The following TSPAN5 variants were observed in gnomAD, a reference collection of about 807,000 sequenced individuals.
TSPAN5 encodes the protein tetraspanin 5.
Under a neutral mutation model 37.1 loss-of-function variants are expected in TSPAN5, and 10 were observed. The observed-to-expected ratio is 0.27, with a 90% CI of 0.17 to 0.46. The LOEUF is 0.46. TSPAN5 is among the 20% of genes least tolerant of loss of function. The pLI is 1.00. For missense variants in TSPAN5, 195 were observed against 326.6 expected, an observed-to-expected ratio of 0.60 and a Z score of 3.11; for synonymous variants, 110 against 118.9, an observed-to-expected ratio of 0.93 and a Z score of 0.48.
chr4:98,472,745 T>C (rs1487140039), intron 7 of TSPAN5, among the ~76,000 whole-genome samples, 158 bp from the exon 8 acceptor site: 2 of 152,200 alleles, frequency 1.3e-5, no homozygotes, highest in Non-Finnish European at 2.9e-5. Context: ...CAGGGGCTTT[T>C]AGTATATTCA....
intron 1 of TSPAN5, among the ~76,000 whole-genome samples, chr4:98,584,115 T>C (rs72904120): frequency 1.4e-3 from 206 of 152,256 alleles, no homozygotes; most frequent in African/African-American, 4.7e-3. Flanking sequence ...TTCCAAATTA[T>C]TTTTTCAAAG....
intron 2 of TSPAN5, among the ~76,000 whole-genome samples, chr4:98,501,218 GTAT>G (rs1753340048): frequency 6.6e-6 from 1 of 151,898 alleles, no homozygotes. Context: ...TTCTAACCCC[GTAT>G]TATTCTCAAA....
intron 1 of TSPAN5, among the ~76,000 whole-genome samples, chr4:98,631,448 C>T (rs566826453): frequency 6.6e-6 from 1 of 152,248 alleles, no homozygotes; most frequent in South Asian, 2.1e-4. Flanking sequence ...ACAAACACAC[C>T]CACACACAGG....
At chr4:98,553,888 G>A (rs1469760427) in intron 1 of TSPAN5, among the ~76,000 whole-genome samples, 2 of 151,988 alleles carry the variant, frequency 1.3e-5, no homozygotes, top group Non-Finnish European at 2.9e-5. Flanking sequence ...CCCACATGAC[G>A]AAACCCTGTC....
chr4:98,566,784 G>C (rs1306246300), intron 1 of TSPAN5, among the ~76,000 whole-genome samples: 1 of 152,192 alleles, frequency 6.6e-6, no homozygotes, highest in Admixed American at 6.5e-5. Flanking sequence ...AAAACATGAC[G>C]CAAGACCCAT....
chr4:98,484,749 G>A lies in TSPAN5; in HGVS notation c.279+1989C>T, dbSNP rs149080905. The A allele has an allele frequency of 2.0e-3, 715 of 353,784 alleles. 5 individuals carry two copies. Among genetic ancestry groups the A allele is most frequent in the African/African-American group, 0.014 (647 of 46,750 alleles). The allele number at this position is 353,784 out of a possible 1,614,324, so 21.9% of individuals were successfully genotyped here. A position where few individuals can be genotyped will look rare whatever the true frequency, so the allele number is the denominator to read the frequency against. On this transcript the variant is annotated intron_variant, in intron 3 of 7. Transcript: ENST00000305798. ...GGCTGAGCAAGGTGGATCACTTGAG[G>A]TCCGGAGTTCAAGACCAGCCTGGCC...
At chr4:98,633,775 T>G (rs1273787850) in intron 1 of TSPAN5, among the ~76,000 whole-genome samples, 1 of 152,090 alleles carries the variant, frequency 6.6e-6, no homozygotes, top group Non-Finnish European at 1.5e-5. Context: ...AGAATTCTCA[T>G]GTACTTAAAA....
rs182530513 is a variant in TSPAN5, at chr4:98,557,815, G to C, written c.82-50087C>G. On this transcript the variant is annotated intron_variant, in intron 1 of 7. Transcript: ENST00000305798. ...ACAACAAAAATGGCACTTAACCTCT[G>C]TGGGTCTTCCCCTAGTCTAATCATG... Among the ~76,000 whole-genome samples, 65 of 152,354 alleles carry C rather than the reference G, an allele frequency of 4.3e-4. 1 individual carries two copies. The East Asian group carries it at 0.012, about 27-fold the overall frequency.
chr4:98,557,724 G>A (rs531161062), intron 1 of TSPAN5, among the ~76,000 whole-genome samples: 8 of 152,294 alleles, frequency 5.3e-5, no homozygotes, highest in East Asian at 1.9e-4. Context: ...CATCGGCCAC[G>A]TGATCAAGAT....
chr4:98,555,970 CGCGCGCGCACACACACGT>C (rs36232266), intron 1 of TSPAN5, among the ~76,000 whole-genome samples: 13,958 of 149,734 alleles, frequency 0.093, 1,222 homozygotes, highest in African/African-American at 0.23. Flanking sequence ...ACTCCACACA[CGCGCGCGCACACACACGT>C]GCGTGCGCAC....
chr4:98,582,319 C>A (rs755487111), intron 1 of TSPAN5, among the ~76,000 whole-genome samples: 1 of 152,116 alleles, frequency 6.6e-6, no homozygotes, highest in Non-Finnish European at 1.5e-5. Flanking sequence ...GCTGACGGCA[C>A]AACAGGGACC....
chr4:98,548,942 A>G (rs1040078347), intron 1 of TSPAN5, among the ~76,000 whole-genome samples: 1 of 151,020 alleles, frequency 6.6e-6, no homozygotes, highest in Non-Finnish European at 1.5e-5. Flanking sequence ...TCTGTATCCA[A>G]TGATCCTCCA....
intron 1 of TSPAN5, among the ~76,000 whole-genome samples, chr4:98,576,571 C>T (rs985426228): frequency 5.3e-5 from 8 of 151,956 alleles, no homozygotes; most frequent in African/African-American, 1.7e-4. Flanking sequence ...AAAAAATTAG[C>T]CAGGCGTGGT....
At chr4:98,524,960 G>T (rs573232595) in intron 1 of TSPAN5, among the ~76,000 whole-genome samples, 4 of 151,994 alleles carry the variant, frequency 2.6e-5, no homozygotes, top group African/African-American at 9.7e-5. Context: ...TTTTATCAAG[G>T]TATTGTCCCA....
intron 1 of TSPAN5, among the ~76,000 whole-genome samples, chr4:98,608,249 T>G (rs538429479): frequency 5.6e-4 from 85 of 152,142 alleles, no homozygotes; most frequent in Admixed American, 6.5e-4. Flanking sequence ...CTTCACTTCC[T>G]TTTTTTAGTC....
At chr4:98,614,294 A>C (rs10014702) in intron 1 of TSPAN5, among the ~76,000 whole-genome samples, 2,261 of 152,328 alleles carry the variant, frequency 0.015, 45 homozygotes, top group African/African-American at 0.052. Context: ...AGTCAGACTC[A>C]CAGGCTCCCC....
chr4:98,571,777 C>G (rs1301597827), intron 1 of TSPAN5, among the ~76,000 whole-genome samples: 1 of 152,004 alleles, frequency 6.6e-6, no homozygotes, highest in Admixed American at 6.6e-5. Context: ...AGGAAAGGAC[C>G]CAGGGCAGTG....
At chr4:98,625,208 T>C (rs1756573515) in intron 1 of TSPAN5, among the ~76,000 whole-genome samples, 1 of 152,212 alleles carries the variant, frequency 6.6e-6, no homozygotes, top group Non-Finnish European at 1.5e-5. Flanking sequence ...TATACCCTTC[T>C]GCTCAAGGTG....
chr4:98,558,936 T>C (rs1255729851), intron 1 of TSPAN5, among the ~76,000 whole-genome samples: 2 of 152,212 alleles, frequency 1.3e-5, no homozygotes, highest in African/African-American at 4.8e-5. Flanking sequence ...CACTCTATGA[T>C]GTAGGTCCTG....
Sources: gnomAD v4.1 joint callset for allele counts (sites outside exome capture counted in the v4.1 genomes callset) on GRCh38, gnomAD v4.1.1 for gene constraint, MANE v1.5 for transcripts, NCBI Gene and HGNC (gene_info 2026-07-23, HGNC 2026-07-21) for gene names.